NDRG2: variants seen among roughly 807,000 people sequenced by gnomAD.
NDRG2 encodes protein NDRG2.
In NDRG2, 34 loss-of-function variants were observed where a neutral mutation model predicts 58.2. The observed-to-expected ratio is 0.58, with a 90% CI of 0.44 to 0.78. The LOEUF is 0.78. Among genes scored for constraint, NDRG2 ranks in the 30% least tolerant of loss-of-function variants. NDRG2 has a pLI of 0.00. For synonymous variants in NDRG2, 187 were observed against 175.9 expected (o/e 1.06, Z -0.50); for missense variants, 434 against 471.2 (o/e 0.92, Z 0.73).
Position 21,070,470 on chromosome 14 carries a change from C to T in NDRG2, c.24+358G>A. On this transcript the variant is annotated intron_variant, in intron 1 of 14. Coordinates refer to the NDRG2 transcript ENST00000403829. This position sits in a 1 kb window ranked among gnomAD's most constrained non-coding sequence, Gnocchi z 4.7. Reference sequence around the variant, plus strand: ...AGCCCGCTCCGGGCCCCCAAGTCCTCAGCCTGGTGCCTCCCGAGCCTGCCT... The same window carrying T: ...AGCCCGCTCCGGGCCCCCAAGTCCTTAGCCTGGTGCCTCCCGAGCCTGCCT... The T allele has an allele frequency of 7.4e-7, 1 of 1,350,958 alleles. No individual in the cohort carries two copies. Among genetic ancestry groups the T allele is most frequent in the Non-Finnish European group, 9.5e-7 (1 of 1,055,854 alleles). 83.7% of individuals were successfully genotyped at this position (1,350,958 alleles called of 1,614,324 possible).
rs1237472463 is a variant in NDRG2 at position 21,068,064 on chromosome 14, A to G, written c.24+2764T>C. Among the ~76,000 whole-genome samples, 5 of 31,310 alleles carry G rather than the reference A, an allele frequency of 1.6e-4. 2 individuals are homozygous for G. The highest frequency in any genetic ancestry group is 4.4e-4 in the Non-Finnish European group (5 of 11,434). 20.5% of individuals were successfully genotyped at this position (31,310 alleles called of 152,430 possible). A position where few individuals can be genotyped will look rare whatever the true frequency, so the allele number is the denominator to read the frequency against. On this transcript the variant is annotated intron_variant, in intron 1 of 14. Transcript: ENST00000403829. The stretch of plus-strand genomic sequence containing the variant: ...GCCCAGGCTGGAGTGCAGTGGCGCG[A>G]TCTCGGCTCACTGCAAGCTCCGCCT...
At chr14:21,051,242 G>T (rs1020815064) in intron 1 of NDRG2, among the ~76,000 whole-genome samples, 1 of 152,186 alleles carries the variant, frequency 6.6e-6, no homozygotes. Flanking sequence ...AGATAGGGTA[G>T]TCATGGGGCT....
At chr14:21,069,399 G>A (rs1886493004) in intron 1 of NDRG2, among the ~76,000 whole-genome samples, 1 of 152,224 alleles carries the variant, frequency 6.6e-6, no homozygotes, top group African/African-American at 2.4e-5. Flanking sequence ...ACAGAAGGAA[G>A]GGGCTGGCAT....
chr14:21,045,091 G>A (rs150689725), intron 1 of NDRG2, among the ~76,000 whole-genome samples: 2 of 152,292 alleles, frequency 1.3e-5, no homozygotes, highest in East Asian at 3.9e-4. Flanking sequence ...ATAACTAGTA[G>A]TAGCAATATC....
chr14:21,048,607 G>A (rs1003391620), intron 1 of NDRG2: 1 of 152,126 alleles, frequency 6.6e-6, no homozygotes, highest in African/African-American at 2.4e-5. Flanking sequence ...TCAGGGACAT[G>A]GATCTTCACT....
intron 1 of NDRG2, among the ~76,000 whole-genome samples, chr14:21,051,231 A>G (rs957865235): frequency 6.6e-6 from 1 of 152,176 alleles, no homozygotes; most frequent in Non-Finnish European, 1.5e-5. Context: ...CTGGTTGAGG[A>G]AGATAGGGTA....
At chr14:21,066,300 T>A (rs1594528733) in intron 1 of NDRG2, among the ~76,000 whole-genome samples, 2 of 3,348 alleles carry the variant, frequency 6.0e-4, no homozygotes, top group African/African-American at 4.8e-4. Flanking sequence ...TATTTGGATC[T>A]TTTTTTTTTG....
intron 1 of NDRG2, among the ~76,000 whole-genome samples, chr14:21,056,174 T>C (rs564154462): frequency 1.3e-5 from 2 of 152,022 alleles, no homozygotes; most frequent in Non-Finnish European, 1.5e-5. Context: ...ATCCCAGAGG[T>C]TGAGAGACTG....
chr14:21,034,063 G>A (rs749475935), intron 1 of NDRG2: 7 of 1,614,140 alleles, frequency 4.3e-6, no homozygotes, highest in South Asian at 2.2e-5. Context: ...CAAGGGGCAT[G>A]TATCACATAA....
Position 21,017,509 on chromosome 14 carries a change from A to C in NDRG2, c.*87T>G. ...ATGATCTGCCCTTTTTCCCTTGCTT[A>C]CGGTGGCCCAATGCCCCTTCAGCAC... On this transcript the variant is annotated 3_prime_UTR_variant, in exon 16 of 16. Transcript: ENST00000556147. 7.0e-7 allele frequency: 1 copy of C among 1,428,818 alleles called. No individual in the cohort carries two copies. Among genetic ancestry groups the C allele is most frequent in the Non-Finnish European group, 9.4e-7 (1 of 1,059,044 alleles). 88.5% of individuals were successfully genotyped at this position (1,428,818 alleles called of 1,614,324 possible). A position where few individuals can be genotyped will look rare whatever the true frequency, so the allele number is the denominator to read the frequency against.
rs1203753275 is a variant in NDRG2 at position 21,036,299 on chromosome 14, C to G, written c.25-12978G>C. 8.8e-6 allele frequency: 4 copies of G among 455,878 alleles called. No homozygotes were observed. The East Asian group carries it at 2.8e-4, about 32-fold the overall frequency. The allele number at this position is 455,878 out of a possible 1,614,324, so 28.2% of individuals were successfully genotyped here. ...AGAGAAAAAGTGTGATCCCTTCTTT[C>G]GTCTAAAAGTCTGCAATAGCTTGTT... On this transcript the variant is annotated intron_variant, in intron 1 of 14. Coordinates refer to the NDRG2 transcript ENST00000403829.
chr14:21,018,684 C>G, intron 12 of NDRG2, 79 bp downstream of exon 12: 1 of 1,604,302 alleles, frequency 6.2e-7, no homozygotes, highest in Non-Finnish European at 8.5e-7. Flanking sequence ...CAGGACATCC[C>G]CTTGGCAAGA....
At chr14:21,042,991 A>G in intron 1 of NDRG2, 1 of 1,611,212 alleles carries the variant, frequency 6.2e-7, no homozygotes, top group Non-Finnish European at 8.5e-7. Context: ...CTCCTAAGAG[A>G]GATGGCACCG....
intron 1 of NDRG2, among the ~76,000 whole-genome samples, chr14:21,064,652 T>C (rs994115587): frequency 1.3e-5 from 2 of 152,166 alleles, no homozygotes; most frequent in African/African-American, 4.8e-5. Flanking sequence ...TACTTATGCG[T>C]GGAAATATAT....
chr14:21,025,234 G>A (rs907321890), upstream of NDRG2: 187 of 827,918 alleles, frequency 2.3e-4, no homozygotes, highest in South Asian at 1.1e-4. This position sits in a 1 kb window ranked among gnomAD's most constrained non-coding sequence, Gnocchi z 5.1. Flanking sequence ...TGCTGGGGCC[G>A]GGGGGCGAGG....
chr14:21,046,558 C>T (rs1295414447), intron 1 of NDRG2, among the ~76,000 whole-genome samples: 1 of 151,426 alleles, frequency 6.6e-6, no homozygotes, highest in African/African-American at 2.4e-5. Flanking sequence ...TACATACATA[C>T]ATACATACAT....
chr14:21,019,346 C>A (rs1334779034), intron 10 of NDRG2, among the ~76,000 whole-genome samples, 186 bp from the exon 11 acceptor site: 1 of 152,130 alleles, frequency 6.6e-6, no homozygotes, highest in Non-Finnish European at 1.5e-5. Flanking sequence ...GTCACTTGTG[C>A]CCTAGATCCC....
chr14:21,060,483 G>A lies in NDRG2; in HGVS notation c.24+10345C>T, dbSNP rs1885901655. Among the ~76,000 whole-genome samples, 3 of 152,174 alleles carry A rather than the reference G, an allele frequency of 2.0e-5. No homozygotes were observed. In the South Asian group the frequency reaches 6.2e-4, roughly 32 times the overall value. On this transcript the variant is annotated intron_variant, in intron 1 of 14. Transcript: ENST00000403829. ...TCCTGCGGCTGCGCCTTAAATGACG[G>A]TGTTTCCCAGGGTCCTGTTCTGAGC... is the stretch of plus-strand genomic sequence containing the variant.
chr14:21,040,212 C>A (rs918525374), intron 1 of NDRG2, among the ~76,000 whole-genome samples: 1 of 152,280 alleles, frequency 6.6e-6, no homozygotes, highest in Non-Finnish European at 1.5e-5. Flanking sequence ...ACCAAGGCCT[C>A]GCTGAGGACA....
Sources: allele counts gnomAD v4.1 joint callset (sites outside exome capture counted in the v4.1 genomes callset), GRCh38; gene constraint gnomAD v4.1.1; non-coding constraint Gnocchi (gnomAD v3.1); transcripts MANE v1.5; gene names NCBI Gene and HGNC (gene_info 2026-07-23, HGNC 2026-07-21).